Variants in HECW2 observed in about 807,000 individuals in gnomAD.
The protein encoded by HECW2 is HECT, C2 and WW domain containing E3 ubiquitin protein ligase 2.
HECW2 carries 61 observed loss-of-function variants against 175.2 expected under a neutral mutation model. The ratio of observed to expected loss-of-function variants is 0.35; its 90% CI spans 0.28 to 0.43. HECW2 has a LOEUF of 0.43. Ranked by LOEUF, HECW2 falls within the 20% of genes least tolerant of loss-of-function variation. HECW2 has a pLI of 1.00. For missense variants in HECW2, 1,524 were observed against 2,000.5 expected, an observed-to-expected ratio of 0.76 and a Z score of 4.54; for synonymous variants, 671 against 731.0, an observed-to-expected ratio of 0.92 and a Z score of 1.32.
intron 1 of HECW2, among the ~76,000 whole-genome samples, chr2:196,583,254 C>T (rs1042392945): frequency 3.3e-5 from 5 of 152,198 alleles, no homozygotes; most frequent in African/African-American, 9.7e-5. Context: ...TCTGGCCTGG[C>T]AAGCTCCTAT....
chr2:196,387,538 C>T (rs1694385099), intron 2 of HECW2, among the ~76,000 whole-genome samples: 1 of 152,168 alleles, frequency 6.6e-6, no homozygotes, highest in Non-Finnish European at 1.5e-5. Flanking sequence ...AAAGAAATTT[C>T]TGTTGCTTAT....
At chr2:196,307,307 GAACTTTTCACTATCTTCTCAGCT>G (rs1423219484) in intron 11 of HECW2, 74 bp from the exon 12 acceptor site, 11 of 1,007,622 alleles carry the variant, frequency 1.1e-5, no homozygotes, top group Non-Finnish European at 1.4e-5. Context: ...CAAGAGTCTA[GAACTTTTCACTATCTTCTCAGCT>G]TCAACTATTT....
intron 17 of HECW2, among the ~76,000 whole-genome samples, chr2:196,259,656 C>CA (rs1689209008): frequency 6.6e-6 from 1 of 152,098 alleles, no homozygotes; most frequent in Admixed American, 6.6e-5. Flanking sequence ...AAGGTTATTT[C>CA]AGTGAAGGCT....
intron 2 of HECW2, among the ~76,000 whole-genome samples, chr2:196,408,640 T>C (rs6434849): frequency 0.63 from 95,509 of 152,080 alleles, 32,860 homozygotes; most frequent in East Asian, 0.94. Flanking sequence ...TCTTTCAAGA[T>C]ACAAAGTAGA....
chr2:196,357,331 C>CA (rs1553506310), intron 2 of HECW2, among the ~76,000 whole-genome samples: 1 of 146,240 alleles, frequency 6.8e-6, no homozygotes, highest in African/African-American at 2.5e-5. Flanking sequence ...GGGGCTTGGG[C>CA]GGGGGGGCGG....
intron 14 of HECW2, among the ~76,000 whole-genome samples, chr2:196,281,365 C>T (rs192543199): frequency 4.3e-4 from 65 of 152,210 alleles, no homozygotes; most frequent in African/African-American, 1.3e-3. Flanking sequence ...GGGCCAGGCG[C>T]GATGGCTCAC....
At chr2:196,497,981 T>A (rs966095450) in intron 1 of HECW2, among the ~76,000 whole-genome samples, 2 of 152,250 alleles carry the variant, frequency 1.3e-5, no homozygotes, top group African/African-American at 4.8e-5. Flanking sequence ...GAATTTCATC[T>A]CCATCTTTGG....
intron 2 of HECW2, among the ~76,000 whole-genome samples, chr2:196,351,692 T>C (rs981051723): frequency 5.3e-5 from 8 of 152,204 alleles, no homozygotes; most frequent in African/African-American, 1.9e-4. Context: ...ATGGCATAAA[T>C]TCTAAATTGA....
intron 1 of HECW2, among the ~76,000 whole-genome samples, chr2:196,454,310 T>G (rs1696438469): frequency 6.6e-6 from 1 of 152,210 alleles, no homozygotes; most frequent in African/African-American, 2.4e-5. Context: ...CAAAACTATT[T>G]TGTAGCTTGC....
At chr2:196,403,981 T>C (rs147242451) in intron 2 of HECW2, among the ~76,000 whole-genome samples, 202 of 152,356 alleles carry the variant, frequency 1.3e-3, no homozygotes, top group Middle Eastern at 6.8e-3. Flanking sequence ...GTGAGTGTTT[T>C]AGGCCTCACA....
chr2:196,505,564 A>G (rs1307559646), intron 1 of HECW2, among the ~76,000 whole-genome samples: 1 of 152,106 alleles, frequency 6.6e-6, no homozygotes, highest in Admixed American at 6.5e-5. Flanking sequence ...AGAGAAAACA[A>G]AGAAACTAGA....
chr2:196,220,300 A>G (rs980406028), intron 25 of HECW2, 147 bp from the exon 26 acceptor site: 3 of 621,852 alleles, frequency 4.8e-6, no homozygotes, highest in Non-Finnish European at 8.6e-6. Context: ...AAAGCTCCCT[A>G]CAAATATAAG....
At chr2:196,462,910 A>C (rs1696803243) in intron 1 of HECW2, among the ~76,000 whole-genome samples, 1 of 152,326 alleles carries the variant, frequency 6.6e-6, no homozygotes, top group East Asian at 1.9e-4. Context: ...CTTATTCATT[A>C]TCCCCTGGTC....
At chr2:196,380,574 T>TTTTTGAAAAGTCTTTTGG (rs1694180833) in intron 2 of HECW2, among the ~76,000 whole-genome samples, 1 of 152,148 alleles carries the variant, frequency 6.6e-6, no homozygotes, top group African/African-American at 2.4e-5. Context: ...GGTGATAGGG[T>TTTTTGAAAAGTCTTTTGG]TGTTTGCACC....
intron 21 of HECW2, among the ~76,000 whole-genome samples, chr2:196,236,649 C>T (rs537493933): frequency 6.6e-6 from 1 of 152,242 alleles, no homozygotes; most frequent in Admixed American, 6.5e-5. Flanking sequence ...CTTTGATGAC[C>T]TTGGGAGTAT....
chr2:196,300,896 G>A (rs778310046), intron 13 of HECW2, among the ~76,000 whole-genome samples: 9 of 151,800 alleles, frequency 5.9e-5, no homozygotes, highest in Admixed American at 3.9e-4. Context: ...TAAGTTCAGG[G>A]GTATGTGTGC....
Position 196,472,931 on chromosome 2 carries a change from T to C in HECW2, c.-35-39473A>G, listed in dbSNP as rs541938423. On this transcript the variant is annotated intron_variant, in intron 1 of 28. Coordinates refer to ENST00000644978, the MANE Select transcript of HECW2 (RefSeq NM_001348768.2). ...CCACCGCACTCAGCTGGAAGGTAACTTTTTTAAGGTGGTGGATTAAAACAT... is the reference window on the plus strand; with the variant it reads ...CCACCGCACTCAGCTGGAAGGTAACCTTTTTAAGGTGGTGGATTAAAACAT... Among the ~76,000 whole-genome samples the C allele has an allele frequency of 2.6e-5, 4 of 152,334 alleles. 1 individual carries two copies. The highest frequency in any genetic ancestry group is 4.1e-4 in the South Asian group (2 of 4,826).
chr2:196,451,450 GA>G (rs1696345630), intron 1 of HECW2, among the ~76,000 whole-genome samples: 1 of 105,270 alleles, frequency 9.5e-6, no homozygotes, highest in Non-Finnish European at 1.8e-5. Flanking sequence ...AAAAAAAAAA[GA>G]AAAGAAATGT....
intron 18 of HECW2, among the ~76,000 whole-genome samples, chr2:196,254,944 C>T (rs925615183): frequency 1.4e-5 from 2 of 147,350 alleles, no homozygotes; most frequent in Middle Eastern, 3.6e-3. Flanking sequence ...TTTTAAAGGC[C>T]TTCTTTATGT....
Sources: allele counts gnomAD v4.1 joint callset (sites outside exome capture counted in the v4.1 genomes callset), GRCh38; gene constraint gnomAD v4.1.1; transcripts MANE v1.5; gene names NCBI Gene and HGNC (gene_info 2026-07-23, HGNC 2026-07-21).